Variants in SEPTIN14 observed in about 807,000 individuals in gnomAD.
The protein encoded by SEPTIN14 is septin-14.
A neutral mutation model predicts 53.6 loss-of-function variants in SEPTIN14; 40 were observed. The observed-to-expected ratio is 0.75, with a 90% confidence interval of 0.58 to 0.97. The LOEUF is 0.97. SEPTIN14 is among the 50% of genes least tolerant of loss of function. SEPTIN14 has a pLI of 0.00. For missense variants in SEPTIN14, 471 were observed against 508.2 expected (o/e 0.93, Z 0.70); for synonymous variants, 138 against 166.8 (o/e 0.83, Z 1.33).
chr7:55,820,276 C>G (rs907557390), intron 6 of SEPTIN14, among the ~76,000 whole-genome samples: 1 of 152,194 alleles, frequency 6.6e-6, no homozygotes, highest in Non-Finnish European at 1.5e-5. Context: ...GCTGAGATTA[C>G]GGGCGTGAGC....
At chr7:55,810,236 C>A (rs1359991233) in intron 7 of SEPTIN14, among the ~76,000 whole-genome samples, 1 of 151,754 alleles carries the variant, frequency 6.6e-6, no homozygotes, top group South Asian at 2.1e-4. Flanking sequence ...TTTCATATTT[C>A]TTTTGCCATT....
intron 1 of SEPTIN14, 29 bp from the exon 2 acceptor site, chr7:55,862,040 A>T (rs761023779): frequency 1.0e-5 from 14 of 1,394,540 alleles, no homozygotes; most frequent in Admixed American, 4.7e-5. Flanking sequence ...AAACATTTTT[A>T]AAAATTTCTT....
At chr7:55,805,784 G>A (rs1316991841) in intron 8 of SEPTIN14, among the ~76,000 whole-genome samples, 1 of 151,976 alleles carries the variant, frequency 6.6e-6, no homozygotes, top group Non-Finnish European at 1.5e-5. Flanking sequence ...CACTTTCCAG[G>A]ATATCATACA....
chr7:55,861,311 C>G (rs896549931), intron 2 of SEPTIN14, among the ~76,000 whole-genome samples: 2 of 151,910 alleles, frequency 1.3e-5, no homozygotes, highest in African/African-American at 4.8e-5. Context: ...CAGCCTGGCC[C>G]ACATGGTGAA....
rs532173963 is a variant in SEPTIN14, at chr7:55,846,189, T to C, written c.175+328A>G. Among the ~76,000 whole-genome samples the C allele has an allele frequency of 5.4e-5, 8 of 147,348 alleles. 1 individual carries two copies. Among genetic ancestry groups the C allele is most frequent in the African/African-American group, 1.7e-4 (7 of 40,098 alleles). ...AGACTTTTAAGAGCACAGGAATGTG[T>C]CAATTTTTAACAATCACTACAGGTC... On this transcript the variant is annotated intron_variant, in intron 3 of 9. Transcript: ENST00000388975.
chr7:55,829,156 A>C (rs553583783), intron 6 of SEPTIN14, among the ~76,000 whole-genome samples: 1 of 151,906 alleles, frequency 6.6e-6, no homozygotes, highest in African/African-American at 2.4e-5. Context: ...AGACAGGTGG[A>C]TTGCCTGAGC....
chr7:55,811,948 C>T (rs1562707932), intron 7 of SEPTIN14, among the ~76,000 whole-genome samples: 1 of 152,084 alleles, frequency 6.6e-6, no homozygotes. Context: ...CGCCCGCCAC[C>T]ACACATGGCT....
intron 7 of SEPTIN14, among the ~76,000 whole-genome samples, chr7:55,818,882 T>A (rs1288644476): frequency 6.6e-6 from 1 of 152,198 alleles, no homozygotes; most frequent in African/African-American, 2.4e-5. Flanking sequence ...ACAAAGAGGT[T>A]CTTCCCAGCC....
Position 55,793,985 on chromosome 7 carries a change from A to T in SEPTIN14, c.*1928T>A, listed in dbSNP as rs1200329403. Reference sequence around the variant, plus strand: ...CATGAAACTGGAGCTGAAAGAGACAAATATTTACTTATAAAGTTAAAAGTT... The same window carrying T: ...CATGAAACTGGAGCTGAAAGAGACATATATTTACTTATAAAGTTAAAAGTT... On this transcript the variant is annotated 3_prime_UTR_variant, in exon 10 of 10. Coordinates refer to ENST00000388975, the MANE Select transcript of SEPTIN14 (RefSeq NM_207366.3). 5.3e-5 allele frequency: 8 copies of T among 152,168 alleles called. No individual in the cohort carries two copies. 9.4% of individuals were successfully genotyped at this position (152,168 alleles called of 1,614,324 possible). A position where few individuals can be genotyped will look rare whatever the true frequency, so the allele number is the denominator to read the frequency against.
At chr7:55,813,061 G>A (rs1391618934) in intron 7 of SEPTIN14, among the ~76,000 whole-genome samples, 1 of 151,728 alleles carries the variant, frequency 6.6e-6, no homozygotes, top group Non-Finnish European at 1.5e-5. Context: ...GTGATTCTCC[G>A]GCCTCAGCCT....
chr7:55,844,851 C>G, intron 3 of SEPTIN14, 133 bp from the exon 4 acceptor site: 1 of 424,436 alleles, frequency 2.4e-6, no homozygotes. Flanking sequence ...ATTCTGGCTA[C>G]CAGAGGCTGG....
At chr7:55,820,533 T>C (rs565540102) in intron 6 of SEPTIN14, among the ~76,000 whole-genome samples, 4 of 152,326 alleles carry the variant, frequency 2.6e-5, no homozygotes, top group African/African-American at 9.6e-5. Context: ...GAAGTGTCAT[T>C]GATCCCATAG....
intron 5 of SEPTIN14, among the ~76,000 whole-genome samples, chr7:55,837,987 C>T (rs1314902247): frequency 1.3e-5 from 2 of 152,200 alleles, no homozygotes; most frequent in Non-Finnish European, 2.9e-5. Context: ...ACTGACAAGT[C>T]CTGTGACCTT....
chr7:55,844,473 ATTCCTT>A lies in SEPTIN14; in HGVS notation c.371+44_371+49del, dbSNP rs1354202165. 4.6e-6 allele frequency: 5 copies of A among 1,080,792 alleles called. No individual in the cohort carries two copies. The African/African-American group carries it at 7.8e-5, about 17-fold the overall frequency. 67.0% of individuals were successfully genotyped at this position (1,080,792 alleles called of 1,614,324 possible). A position where few individuals can be genotyped will look rare whatever the true frequency, so the allele number is the denominator to read the frequency against. ...ATTAGTCTATGGCAAAGGAAGTCAA[ATTCCTT>A]GAAATAAGAAAACCTTTTTTAATTT... On this transcript the variant is annotated intron_variant, in intron 4 of 9. Coordinates refer to ENST00000388975, the MANE Select transcript of SEPTIN14 (RefSeq NM_207366.3).
intron 9 of SEPTIN14, among the ~76,000 whole-genome samples, chr7:55,804,258 G>GT (rs1270948541): frequency 1.2e-4 from 17 of 147,582 alleles, no homozygotes; most frequent in South Asian, 2.1e-4. Flanking sequence ...TAATGGTTTG[G>GT]TTTTTTTTGT....
chr7:55,859,678 T>G (rs1789708685), intron 2 of SEPTIN14, among the ~76,000 whole-genome samples: 1 of 152,086 alleles, frequency 6.6e-6, no homozygotes, highest in Non-Finnish European at 1.5e-5. Context: ...TTTCTCTCAT[T>G]CTTTGTTTCC....
chr7:55,837,264 T>A (rs1198801515), intron 5 of SEPTIN14, among the ~76,000 whole-genome samples: 1 of 151,836 alleles, frequency 6.6e-6, no homozygotes, highest in Non-Finnish European at 1.5e-5. Flanking sequence ...TACAGGCACG[T>A]GCTGCCATGC....
chr7:55,842,972 A>T lies in SEPTIN14; in HGVS notation c.528T>A (p.Asp176Glu). The T allele has an allele frequency of 1.9e-6, 3 of 1,545,472 alleles. No homozygotes were observed. Among genetic ancestry groups the T allele is most frequent in the Non-Finnish European group, 2.6e-6 (3 of 1,148,516 alleles). The change falls in exon 5 of 10, where the codon GAT (aspartate) becomes GAA (glutamate). Residue 176 changes from aspartate (D) to glutamate (E), a missense_variant. Physicochemically the swap from Asp to Glu is conservative, Grantham distance 45. Coordinates refer to ENST00000388975, the MANE Select transcript of SEPTIN14 (RefSeq NM_207366.3). ...SPTGHSLKSL[D>E]LLTMKNLDSK... ...TGTCAAGGTTCTTCATTGTTAATAG[A>T]TCAAGAGACTTCAGGGAATGTCCTG...
At chr7:55,796,210 A>G (rs1788430103) in intron 9 of SEPTIN14, 118 bp from the exon 10 acceptor site, 1 of 670,138 alleles carries the variant, frequency 1.5e-6, no homozygotes, top group Non-Finnish European at 2.6e-6. Flanking sequence ...CATGATCTTA[A>G]TAACAACCTC....
Sources: gnomAD v4.1 joint callset for allele counts (sites outside exome capture counted in the v4.1 genomes callset) on GRCh38, gnomAD v4.1.1 for gene constraint, MANE v1.5 for transcripts, NCBI Gene and HGNC (gene_info 2026-07-23, HGNC 2026-07-21) for gene names.